The following NDFIP2 variants were observed in gnomAD, a reference collection of about 807,000 sequenced individuals.
NDFIP2 encodes the protein Nedd4 family interacting protein 2.
Under a neutral mutation model 36.0 loss-of-function variants are expected in NDFIP2, and 19 were observed. The ratio of observed to expected loss-of-function variants is 0.53; its 90% confidence interval spans 0.37 to 0.77. The LOEUF (loss-of-function observed/expected upper bound fraction) is 0.77. NDFIP2 is among the 30% of genes least tolerant of loss of function. The pLI is 0.00. For synonymous variants in NDFIP2, 181 were observed against 167.7 expected, an observed-to-expected ratio of 1.08 and a Z score of -0.61; for missense variants, 446 against 435.8, an observed-to-expected ratio of 1.02 and a Z score of -0.21.
At chr13:79,519,761 T>C (rs1034680951) in intron 1 of NDFIP2, among the ~76,000 whole-genome samples, 32 of 152,208 alleles carry the variant, frequency 2.1e-4, no homozygotes, top group Non-Finnish European at 5.9e-5. Flanking sequence ...TATATACACA[T>C]CAACTTATTT....
chr13:79,504,892 G>A (rs1594845112), intron 1 of NDFIP2, among the ~76,000 whole-genome samples: 1 of 152,136 alleles, frequency 6.6e-6, no homozygotes, highest in African/African-American at 2.4e-5. Flanking sequence ...TGAATTCATG[G>A]ATTCATGTTT....
At chr13:79,510,976 G>A (rs901613076) in intron 1 of NDFIP2, among the ~76,000 whole-genome samples, 15 of 146,284 alleles carry the variant, frequency 1.0e-4, no homozygotes, top group African/African-American at 3.8e-4. Flanking sequence ...TCAAGCCTGG[G>A]TGACAGAGCG....
chr13:79,499,914 A>G (rs569652991), intron 1 of NDFIP2, among the ~76,000 whole-genome samples: 89 of 152,116 alleles, frequency 5.9e-4, no homozygotes, highest in Admixed American at 2.0e-3. Context: ...AGCCAACTCA[A>G]TATTAAAGGA....
chr13:79,508,200 T>G (rs1242939153), intron 1 of NDFIP2, among the ~76,000 whole-genome samples: 3 of 152,228 alleles, frequency 2.0e-5, no homozygotes, highest in African/African-American at 7.2e-5. Flanking sequence ...TATTGCTGCC[T>G]TGAACATTCT....
At chr13:79,520,335 AC>A (rs1266587967) in intron 1 of NDFIP2, among the ~76,000 whole-genome samples, 2 of 152,164 alleles carry the variant, frequency 1.3e-5, no homozygotes, top group East Asian at 3.8e-4. Flanking sequence ...CTCTACTGTT[AC>A]AATTGCATAC....
intron 3 of NDFIP2, among the ~76,000 whole-genome samples, chr13:79,535,990 T>G (rs1197773270): frequency 1.3e-5 from 2 of 152,088 alleles, no homozygotes; most frequent in Non-Finnish European, 1.5e-5. Flanking sequence ...GCTGGGTGAG[T>G]TGAAAGCTTG....
chr13:79,529,870 G>A (rs1238389669), intron 2 of NDFIP2, among the ~76,000 whole-genome samples: 1 of 152,224 alleles, frequency 6.6e-6, no homozygotes, highest in East Asian at 1.9e-4. Flanking sequence ...TCAGACTACT[G>A]AAGTAAAGCG....
chr13:79,538,234 G>C (rs1398547862), intron 3 of NDFIP2, among the ~76,000 whole-genome samples: 1 of 152,152 alleles, frequency 6.6e-6, no homozygotes, highest in African/African-American at 2.4e-5. Flanking sequence ...TTGAATATGA[G>C]ATTTGGATGG....
At chr13:79,533,897 G>A (rs1875121518) in intron 3 of NDFIP2, among the ~76,000 whole-genome samples, 1 of 152,110 alleles carries the variant, frequency 6.6e-6, no homozygotes, top group Admixed American at 6.6e-5. Context: ...CCCGTGTATT[G>A]TTGAAGGGTT....
At chr13:79,491,059 T>G (rs1873206389) in intron 1 of NDFIP2, among the ~76,000 whole-genome samples, 1 of 152,220 alleles carries the variant, frequency 6.6e-6, no homozygotes, top group Non-Finnish European at 1.5e-5. Flanking sequence ...TTTGTTTTTA[T>G]CCAGAGTACT....
chr13:79,547,898 C>T (rs1875748219), intron 5 of NDFIP2, among the ~76,000 whole-genome samples: 1 of 152,066 alleles, frequency 6.6e-6, no homozygotes, highest in South Asian at 2.1e-4. Context: ...CAGCAGAACA[C>T]CCCCATCTGA....
In NDFIP2 at chr13:79,554,937, G is replaced by A. The variant is rs1594863904; in HGVS notation, c.*2424G>A. 1 of 151,708 alleles carries A rather than the reference G, an allele frequency of 6.6e-6. No individual in the cohort carries two copies. Among genetic ancestry groups the A allele is most frequent in the South Asian group, 2.1e-4 (1 of 4,824 alleles). 9.4% of individuals were successfully genotyped at this position (151,708 alleles called of 1,614,324 possible). A position where few individuals can be genotyped will look rare whatever the true frequency, so the allele number is the denominator to read the frequency against. ...TTTATGCAATAAACTGAATTTTAAGGCAAAAACAACACTTTTCTATATAGT... is the reference window on the plus strand; with the variant it reads ...TTTATGCAATAAACTGAATTTTAAGACAAAAACAACACTTTTCTATATAGT... On this transcript the variant is annotated 3_prime_UTR_variant, in exon 8 of 8. Coordinates refer to ENST00000218652, the MANE Select transcript of NDFIP2 (RefSeq NM_019080.3).
At chr13:79,504,554 T>G (rs1380455463) in intron 1 of NDFIP2, among the ~76,000 whole-genome samples, 1 of 152,178 alleles carries the variant, frequency 6.6e-6, no homozygotes, top group Admixed American at 6.5e-5. Flanking sequence ...AAAAACATTT[T>G]TATAAAAAAT....
intron 6 of NDFIP2, 125 bp downstream of exon 6, chr13:79,548,519 C>T (rs1875775633): frequency 8.1e-6 from 6 of 742,844 alleles, no homozygotes; most frequent in Non-Finnish European, 1.1e-5. Flanking sequence ...TATTCAAACA[C>T]ATCATCTCAC....
chr13:79,512,995 A>G (rs746253214), intron 1 of NDFIP2, among the ~76,000 whole-genome samples: 65 of 152,184 alleles, frequency 4.3e-4, no homozygotes, highest in Non-Finnish European at 1.5e-5. Context: ...GATGGAAGCC[A>G]TATTTGTCTT....
intron 1 of NDFIP2, among the ~76,000 whole-genome samples, chr13:79,500,536 C>T (rs1364095885): frequency 6.6e-6 from 1 of 151,934 alleles, no homozygotes; most frequent in Non-Finnish European, 1.5e-5. Flanking sequence ...CACCTCACCA[C>T]CGAAGATATA....
chr13:79,515,392 C>G (rs1247277491), intron 1 of NDFIP2, among the ~76,000 whole-genome samples: 3 of 152,098 alleles, frequency 2.0e-5, no homozygotes, highest in African/African-American at 7.2e-5. Flanking sequence ...GTTTTCAAAA[C>G]AAGAAGCTGA....
intron 1 of NDFIP2, among the ~76,000 whole-genome samples, chr13:79,516,622 T>A (rs147718160): frequency 6.6e-6 from 1 of 152,362 alleles, no homozygotes; most frequent in East Asian, 1.9e-4. Context: ...TACATATTCA[T>A]TGGTTTTTTA....
At chr13:79,510,134 C>T (rs78685814) in intron 1 of NDFIP2, among the ~76,000 whole-genome samples, 6,534 of 152,160 alleles carry the variant, frequency 0.043, 482 homozygotes, top group African/African-American at 0.15. Context: ...TTATACAAAT[C>T]TGCATAAAAA....
Sources: gnomAD v4.1 joint callset for allele counts (sites outside exome capture counted in the v4.1 genomes callset) on GRCh38, gnomAD v4.1.1 for gene constraint, MANE v1.5 for transcripts, NCBI Gene and HGNC (gene_info 2026-07-23, HGNC 2026-07-21) for gene names.